Variants in SYT1 observed in about 807,000 individuals in gnomAD.
SYT1 encodes synaptotagmin 1.
SYT1 carries 8 observed loss-of-function variants against 44.8 expected under a neutral mutation model. The observed-to-expected ratio is 0.18, with a 90% CI of 0.10 to 0.32. The LOEUF (loss-of-function observed/expected upper bound fraction) is 0.32, where lower values mean the gene tolerates loss of function less well. Ranked by LOEUF, SYT1 falls within the 10% of genes least tolerant of loss-of-function variation. The pLI, the probability that SYT1 is intolerant of heterozygous loss-of-function variation, is 1.00. For missense variants in SYT1, 286 were observed against 509.3 expected (o/e 0.56, Z 4.22); for synonymous variants, 154 against 188.8 (o/e 0.82, Z 1.51).
At chr12:79,212,631 T>C (rs777265597) in intron 3 of SYT1, among the ~76,000 whole-genome samples, 14 of 152,232 alleles carry the variant, frequency 9.2e-5, no homozygotes, top group Non-Finnish European at 1.8e-4. Context: ...TTCAGGATGC[T>C]GAATTCCACT....
At chr12:78,954,487 C>T (rs1195906196) in intron 1 of SYT1, among the ~76,000 whole-genome samples, 1 of 151,370 alleles carries the variant, frequency 6.6e-6, no homozygotes, top group African/African-American at 2.4e-5. Flanking sequence ...TATGTGGTAC[C>T]CTGTGTAGCT....
chr12:79,438,532 C>T (rs986386345), intron 9 of SYT1, among the ~76,000 whole-genome samples: 1 of 152,236 alleles, frequency 6.6e-6, no homozygotes, highest in African/African-American at 2.4e-5. Context: ...AAAAGAATGG[C>T]ACCAGGCCGC....
At chr12:79,105,250 G>C (rs1565808609) in intron 3 of SYT1, among the ~76,000 whole-genome samples, 1 of 152,108 alleles carries the variant, frequency 6.6e-6, no homozygotes, top group Non-Finnish European at 1.5e-5. Context: ...AAATAATGAT[G>C]ATGCCCAGCT....
chr12:78,874,023 G>A (rs1466426232), intron 1 of SYT1, among the ~76,000 whole-genome samples: 3 of 151,646 alleles, frequency 2.0e-5, no homozygotes, highest in East Asian at 1.9e-4. Context: ...CATAGGATAG[G>A]TATTAAGGGA....
intron 3 of SYT1, among the ~76,000 whole-genome samples, chr12:79,110,849 G>T (rs868038384): frequency 4.2e-4 from 64 of 152,192 alleles, no homozygotes; most frequent in African/African-American, 5.5e-4. Flanking sequence ...GTTATAATAT[G>T]CGTTACTTCT....
Position 78,980,702 on chromosome 12 carries a change from T to C in SYT1, c.-84+2771T>C, listed in dbSNP as rs577886330. On this transcript the variant is annotated intron_variant, in intron 2 of 10. Transcript: ENST00000261205. The stretch of plus-strand genomic sequence containing the variant: ...ATTACATAAGTTATAAAACTAGAAA[T>C]TGAAGGGAAGAATCATTGAAAACAA... 5.9e-5 allele frequency among the ~76,000 whole-genome samples: 9 copies of C among 152,200 alleles called. No individual in the cohort carries two copies. The East Asian group carries it at 1.4e-3, about 23-fold the overall frequency.
Position 79,179,309 on chromosome 12 carries a change from TATATAG to T in SYT1, c.-17-38170_-17-38165del, listed in dbSNP as rs1410737065. Reference sequence around the variant, plus strand: ...ATATAGATACAGATTTAGATATATCTATATAGATATAGATATAGATATAGATATATC... The same window carrying T: ...ATATAGATACAGATTTAGATATATCTATATAGATATAGATATAGATATATC... On this transcript the variant is annotated intron_variant, in intron 3 of 10. Coordinates refer to ENST00000261205, the MANE Select transcript of SYT1 (RefSeq NM_005639.3). 8.8e-3 allele frequency among the ~76,000 whole-genome samples: 474 copies of T among 53,644 alleles called. 71 individuals carry two copies. In the East Asian group the frequency reaches 0.13, roughly 15 times the overall value. The allele number at this position is 53,644 out of a possible 152,430, so 35.2% of individuals were successfully genotyped here.
chr12:79,083,540 C>T (rs1877178407), intron 3 of SYT1, among the ~76,000 whole-genome samples: 1 of 151,992 alleles, frequency 6.6e-6, no homozygotes. Context: ...CTGAAAAATA[C>T]TATACTAGCC....
intron 1 of SYT1, among the ~76,000 whole-genome samples, chr12:78,896,700 C>A (rs1289713340): frequency 6.6e-6 from 1 of 151,654 alleles, no homozygotes; most frequent in Non-Finnish European, 1.5e-5. Context: ...GAAAGCCATG[C>A]CCATTTAATT....
At chr12:79,329,083 T>C (rs1313923793) in intron 8 of SYT1, among the ~76,000 whole-genome samples, 1 of 152,126 alleles carries the variant, frequency 6.6e-6, no homozygotes, top group Non-Finnish European at 1.5e-5. Flanking sequence ...ATTGTGCTGA[T>C]CCAAGCTCAT....
intron 7 of SYT1, among the ~76,000 whole-genome samples, chr12:79,298,591 T>G (rs1879985700): frequency 6.6e-6 from 1 of 152,160 alleles, no homozygotes; most frequent in Non-Finnish European, 1.5e-5. Context: ...GTTACTGAAG[T>G]GTAGCTTACT....
chr12:78,945,199 ATAAG>A (rs536203593), intron 1 of SYT1, among the ~76,000 whole-genome samples: 284 of 152,266 alleles, frequency 1.9e-3, no homozygotes, highest in African/African-American at 6.0e-3. Flanking sequence ...TTCAGAATAA[ATAAG>A]TAATTATTTC....
chr12:79,212,507 A>AG (rs1308935864), intron 3 of SYT1, among the ~76,000 whole-genome samples: 1 of 151,706 alleles, frequency 6.6e-6, no homozygotes, highest in South Asian at 2.1e-4. Context: ...TGAAAAAAAA[A>AG]AAAAGAAAAT....
intron 8 of SYT1, among the ~76,000 whole-genome samples, chr12:79,338,118 A>G (rs1414294613): frequency 2.0e-5 from 3 of 152,052 alleles, no homozygotes; most frequent in Admixed American, 6.5e-5. Flanking sequence ...GCAATTGGCC[A>G]TTTGCCTGGA....
intron 8 of SYT1, among the ~76,000 whole-genome samples, chr12:79,323,031 T>C (rs762733732): frequency 6.6e-6 from 1 of 151,982 alleles, no homozygotes; most frequent in African/African-American, 2.4e-5. Context: ...GCCCTGTAAT[T>C]CATCAAAGAA....
chr12:79,065,073 C>G (rs1368527287), intron 3 of SYT1, among the ~76,000 whole-genome samples: 1 of 151,974 alleles, frequency 6.6e-6, no homozygotes, highest in Non-Finnish European at 1.5e-5. Flanking sequence ...TCACACATTC[C>G]AATTAGAAAC....
chr12:79,007,431 T>A lies in SYT1; in HGVS notation c.-84+29500T>A, dbSNP rs184983223. On this transcript the variant is annotated intron_variant, in intron 2 of 10. Transcript: ENST00000261205. Reference sequence around the variant, plus strand: ...ACATGCATGTTTTATGTGATTATTGTATTTTTTTGTAGTCAGCTTCATTAC... The same window carrying A: ...ACATGCATGTTTTATGTGATTATTGAATTTTTTTGTAGTCAGCTTCATTAC... 2.2e-4 allele frequency among the ~76,000 whole-genome samples: 34 copies of A among 152,282 alleles called. No individual in the cohort carries two copies. In the East Asian group the frequency reaches 6.0e-3, roughly 27 times the overall value.
chr12:79,092,982 AG>A (rs1877881683), intron 3 of SYT1, among the ~76,000 whole-genome samples: 1 of 151,798 alleles, frequency 6.6e-6, no homozygotes, highest in African/African-American at 2.4e-5. Context: ...ATAAATTTCT[AG>A]AAATTTCATA....
intron 1 of SYT1, among the ~76,000 whole-genome samples, chr12:78,906,296 T>C (rs1396275272): frequency 6.6e-6 from 1 of 152,130 alleles, no homozygotes; most frequent in African/African-American, 2.4e-5. Flanking sequence ...GAAGATGTTC[T>C]GAGGGAAAAA....
Sources: allele counts gnomAD v4.1 joint callset (sites outside exome capture counted in the v4.1 genomes callset), GRCh38; gene constraint gnomAD v4.1.1; transcripts MANE v1.5; gene names NCBI Gene and HGNC (gene_info 2026-07-23, HGNC 2026-07-21).